The following PYY variants were observed in gnomAD, a reference collection of about 807,000 sequenced individuals.
PYY encodes peptide tyrosine tyrosine.
A neutral mutation model predicts 10.3 loss-of-function variants in PYY; 12 were observed. That is an observed-to-expected ratio of 1.17 (90% CI 0.75 to 1.89). The LOEUF (loss-of-function observed/expected upper bound fraction) is 1.89, where lower values mean the gene tolerates loss of function less well. Among genes scored for constraint, PYY ranks in the 40% most tolerant of loss-of-function variants. The probability of loss-of-function intolerance (pLI) is 0.00; values close to 1 mark genes in which losing one functional copy is unlikely to be tolerated. For synonymous variants in PYY, 66 were observed against 62.0 expected, an observed-to-expected ratio of 1.06 and a Z score of -0.30; for missense variants, 141 against 134.0, an observed-to-expected ratio of 1.05 and a Z score of -0.26.
In PYY at chr17:43,974,563, T is replaced by A. The variant is rs554136885; in HGVS notation, c.-462-8031A>T. The stretch of plus-strand genomic sequence containing the variant: ...AGGTCATAAAAGTGCCCGTAAAGGG[T>A]TAGGAGGATTGAATGAAATAATGGC... On this transcript the variant is annotated intron_variant, in intron 1 of 6. Transcript: ENST00000360085. 1.2e-3 allele frequency among the ~76,000 whole-genome samples: 180 copies of A among 152,018 alleles called. 1 individual carries two copies. The highest frequency in any genetic ancestry group is 4.0e-3 in the African/African-American group (166 of 41,464).
intron 1 of PYY, among the ~76,000 whole-genome samples, chr17:43,972,819 C>G (rs992422736): frequency 6.6e-6 from 1 of 151,806 alleles, no homozygotes; most frequent in African/African-American, 2.4e-5. Context: ...TGAGTTCAAG[C>G]GATTCTCCTG....
chr17:43,963,656 A>C (rs2048735018), intron 2 of PYY, among the ~76,000 whole-genome samples: 2 of 151,822 alleles, frequency 1.3e-5, no homozygotes, highest in African/African-American at 2.4e-5. Flanking sequence ...AACAGAGAGA[A>C]AAGAAAGAAA....
rs1432144378 is a variant in PYY, at chr17:43,960,475, G to A, written c.-217-2447C>T. Among the ~76,000 whole-genome samples the A allele has an allele frequency of 4.3e-5, 6 of 139,630 alleles. No homozygotes were observed. In the Admixed American group the frequency reaches 4.7e-4, roughly 11 times the overall value. The allele number at this position is 139,630 out of a possible 152,430, so 91.6% of individuals were successfully genotyped here. Reference sequence around the variant, plus strand: ...AGGAGAATCACTTGAACTGGGAGGCGGAGGTTGCAATGAACTGAGGCACTC... The same window carrying A: ...AGGAGAATCACTTGAACTGGGAGGCAGAGGTTGCAATGAACTGAGGCACTC... On this transcript the variant is annotated intron_variant, in intron 2 of 6. Transcript: ENST00000360085.
At chr17:44,002,331 C>T (rs536364985) in intron 1 of PYY, among the ~76,000 whole-genome samples, 6 of 152,292 alleles carry the variant, frequency 3.9e-5, no homozygotes, top group Non-Finnish European at 8.8e-5. Flanking sequence ...AAGGCAGAGC[C>T]CCAGGTGTCA....
chr17:43,979,464 A>G (rs1031985293), intron 1 of PYY, among the ~76,000 whole-genome samples: 29 of 152,142 alleles, frequency 1.9e-4, no homozygotes, highest in African/African-American at 6.8e-4. Flanking sequence ...GTTTTGTGGG[A>G]AAAAAATTTA....
chr17:43,963,596 A>AAG (rs550612497), intron 2 of PYY, among the ~76,000 whole-genome samples: 1 of 84,482 alleles, frequency 1.2e-5, no homozygotes, highest in South Asian at 4.9e-4. Flanking sequence ...GAAAGAAAGA[A>AAG]AGAAAGAAAG....
chr17:43,972,230 G>A (rs866256904), intron 1 of PYY, among the ~76,000 whole-genome samples: 2 of 82,476 alleles, frequency 2.4e-5, no homozygotes, highest in Non-Finnish European at 6.0e-5. Flanking sequence ...TTTATTTATT[G>A]AGAGAGGGAG....
intron 1 of PYY, among the ~76,000 whole-genome samples, chr17:43,977,516 C>T (rs1260357261): frequency 6.6e-6 from 1 of 152,066 alleles, no homozygotes; most frequent in Non-Finnish European, 1.5e-5. Flanking sequence ...GGCACCTGCC[C>T]GCCCAACACT....
chr17:43,981,700 G>T (rs1391155194), intron 1 of PYY, among the ~76,000 whole-genome samples: 11 of 152,114 alleles, frequency 7.2e-5, no homozygotes, highest in Admixed American at 7.2e-4. Context: ...ATGTTGGCCA[G>T]GTTGGTCTCG....
intron 1 of PYY, among the ~76,000 whole-genome samples, chr17:43,972,618 T>G (rs539468097): frequency 6.6e-6 from 1 of 152,036 alleles, no homozygotes; most frequent in Non-Finnish European, 1.5e-5. Flanking sequence ...AACCTTGAAC[T>G]CGTGAGCTCA....
intron 1 of PYY, among the ~76,000 whole-genome samples, chr17:43,994,155 GAA>G (rs59035364): frequency 3.3e-5 from 5 of 151,370 alleles, no homozygotes; most frequent in Admixed American, 1.3e-4. Context: ...CACCCAGCCT[GAA>G]AAAAAAATTT....
At chr17:43,986,089 G>A (rs763255157) in intron 1 of PYY, among the ~76,000 whole-genome samples, 3 of 152,094 alleles carry the variant, frequency 2.0e-5, no homozygotes, top group Non-Finnish European at 2.9e-5. Context: ...GTGAAACCCC[G>A]TCTCTACTAT....
At position 43,953,209 on chromosome 17, in the gene PYY, G is replaced by A. The variant is rs755146399; in HGVS notation, c.189-20C>T. On this transcript the variant is annotated intron_variant, in intron 2 of 3. Transcript: ENST00000692052. ...CCATACCTGGGGGCGGGGAAGGGAA[G>A]AGCGTGGTCAGATCTGGCCACGCCC... 2 of 1,613,372 alleles carry A rather than the reference G, an allele frequency of 1.2e-6. No homozygotes were observed. Among genetic ancestry groups the A allele is most frequent in the Non-Finnish European group, 8.5e-7 (1 of 1,179,474 alleles).
intron 2 of PYY, among the ~76,000 whole-genome samples, chr17:43,962,641 C>T (rs1360535052): frequency 3.3e-5 from 5 of 152,154 alleles, no homozygotes; most frequent in Admixed American, 2.0e-4. Context: ...CTGGGGCTTC[C>T]CCATTCCCCA....
At chr17:43,990,217 C>T (rs1203613741) in intron 1 of PYY, among the ~76,000 whole-genome samples, 1 of 151,698 alleles carries the variant, frequency 6.6e-6, no homozygotes, top group Non-Finnish European at 1.5e-5. Context: ...GCGGGCAGAT[C>T]ACTTGAGGTC....
At chr17:44,004,032 C>G (rs554564471) in intron 1 of PYY, among the ~76,000 whole-genome samples, 51 of 152,106 alleles carry the variant, frequency 3.4e-4, no homozygotes, top group Middle Eastern at 3.4e-3. Context: ...TTTATTTTTA[C>G]CAGATGTGAT....
chr17:43,998,537 G>T (rs986995275), intron 1 of PYY, among the ~76,000 whole-genome samples: 4 of 151,958 alleles, frequency 2.6e-5, no homozygotes, highest in Non-Finnish European at 4.4e-5. Flanking sequence ...CAATCTGGGT[G>T]ACAGAGTGAG....
intron 1 of PYY, chr17:43,966,544 G>C (rs1597847291): frequency 1.3e-5 from 2 of 152,200 alleles, no homozygotes; most frequent in African/African-American, 4.8e-5. Context: ...TGGAATACAA[G>C]GAAGTCATAT....
chr17:43,974,384 C>A (rs991009751), intron 1 of PYY, among the ~76,000 whole-genome samples: 6 of 151,864 alleles, frequency 4.0e-5, no homozygotes, highest in African/African-American at 1.5e-4. Context: ...AACACGCAGG[C>A]ACCTTTGGAG....
Sources: gnomAD v4.1 joint callset for allele counts (sites outside exome capture counted in the v4.1 genomes callset) on GRCh38, gnomAD v4.1.1 for gene constraint, MANE v1.5 for transcripts, NCBI Gene and HGNC (gene_info 2026-07-23, HGNC 2026-07-21) for gene names.